Variants in PRKAG2 observed in about 807,000 individuals in gnomAD.
PRKAG2 encodes the protein 5'-AMP-activated protein kinase subunit gamma-2.
PRKAG2 carries 26 observed loss-of-function variants against 69.6 expected under a neutral mutation model. That is an observed-to-expected ratio of 0.37 (90% CI 0.27 to 0.52). The LOEUF is 0.52. Ranked by LOEUF, PRKAG2 falls within the 20% of genes least tolerant of loss-of-function variation. The pLI, the probability that PRKAG2 is intolerant of heterozygous loss-of-function variation, is 0.90. For synonymous variants in PRKAG2, 293 were observed against 285.0 expected (o/e 1.03, Z -0.28); for missense variants, 557 against 740.0 (o/e 0.75, Z 2.87).
Position 151,614,408 on chromosome 7 carries a change from A to G in PRKAG2, c.754+17661T>C, listed in dbSNP as rs2374229. 0.73 allele frequency among the ~76,000 whole-genome samples: 110,873 copies of G among 151,894 alleles called. 40,725 individuals carry two copies. Among genetic ancestry groups the G allele is most frequent in the East Asian group, 0.96 (4,944 of 5,128 alleles). On this transcript the variant is annotated intron_variant, in intron 5 of 15. Coordinates refer to ENST00000287878, the MANE Select transcript of PRKAG2 (RefSeq NM_016203.4). This position sits in a 1 kb window ranked among gnomAD's most constrained non-coding sequence, Gnocchi z 4.4. Reference sequence around the variant, plus strand: ...ACTACTTTATCCTGGAGGTGACCAGAAGCCACACAGGGGCTCACACAGGAG... The same window carrying G: ...ACTACTTTATCCTGGAGGTGACCAGGAGCCACACAGGGGCTCACACAGGAG...
chr7:151,695,979 G>T (rs968573944), intron 3 of PRKAG2, among the ~76,000 whole-genome samples: 1 of 152,126 alleles, frequency 6.6e-6, no homozygotes. Flanking sequence ...GTGTTTACAC[G>T]ACACCAGCTC....
intron 1 of PRKAG2, among the ~76,000 whole-genome samples, chr7:151,797,077 A>C (rs28496834): frequency 0.24 from 37,125 of 152,020 alleles, 4,964 homozygotes; most frequent in Admixed American, 0.35. Flanking sequence ...CCAGCTGCAG[A>C]CACACCCTCC....
intron 4 of PRKAG2, among the ~76,000 whole-genome samples, chr7:151,643,878 A>G (rs758072296): frequency 2.4e-4 from 37 of 152,278 alleles, no homozygotes; most frequent in Non-Finnish European, 4.8e-4. Context: ...CAGTACAATT[A>G]TACGATGGAA....
intron 4 of PRKAG2, among the ~76,000 whole-genome samples, chr7:151,648,359 C>T (rs1299721236): frequency 1.3e-5 from 2 of 152,206 alleles, no homozygotes; most frequent in Non-Finnish European, 2.9e-5. Context: ...TGAAAACGTT[C>T]ATCCTTGTAC....
chr7:151,665,069 C>T (rs1830844735), intron 4 of PRKAG2, among the ~76,000 whole-genome samples: 1 of 152,172 alleles, frequency 6.6e-6, no homozygotes, highest in Admixed American at 6.5e-5. Flanking sequence ...GTTAGTTTTG[C>T]TGCCCCGTGA....
intron 3 of PRKAG2, among the ~76,000 whole-genome samples, chr7:151,733,090 A>T (rs1799220596): frequency 6.6e-6 from 1 of 152,014 alleles, no homozygotes; most frequent in Non-Finnish European, 1.5e-5. Context: ...CTTGGTCAAC[A>T]CTCTTGGACT....
chr7:151,623,350 C>A (rs1821971300), intron 5 of PRKAG2, among the ~76,000 whole-genome samples: 1 of 102,236 alleles, frequency 9.8e-6, no homozygotes, highest in African/African-American at 4.0e-5. Flanking sequence ...GGCAACAGAG[C>A]AAGACTCTGT....
chr7:151,597,820 G>GGCCCCC (rs796251222), intron 5 of PRKAG2, among the ~76,000 whole-genome samples: 1 of 124,806 alleles, frequency 8.0e-6, no homozygotes, highest in African/African-American at 3.1e-5. Context: ...ACAAAAGGGA[G>GGCCCCC]CCCCCCCCCC....
chr7:151,822,034 C>T (rs972923286), intron 1 of PRKAG2, among the ~76,000 whole-genome samples: 4 of 152,216 alleles, frequency 2.6e-5, no homozygotes, highest in Non-Finnish European at 5.9e-5. Flanking sequence ...TCCAGTGCCG[C>T]GTGACTCAGG....
chr7:151,618,708 T>C (rs997492821), intron 5 of PRKAG2, among the ~76,000 whole-genome samples: 1 of 152,132 alleles, frequency 6.6e-6, no homozygotes, highest in Non-Finnish European at 1.5e-5. Context: ...GGGTTTGCAG[T>C]GAGCTGAGAT....
rs1429425828 is a variant in PRKAG2 at position 151,714,440 on chromosome 7, CGCG to C, written c.467-38806_467-38804del. Among the ~76,000 whole-genome samples, 174 of 70,566 alleles carry C rather than the reference CGCG, an allele frequency of 2.5e-3. 5 individuals carry two copies. In the East Asian group the frequency reaches 0.16, roughly 66 times the overall value. 46.3% of individuals were successfully genotyped at this position (70,566 alleles called of 152,430 possible). A position where few individuals can be genotyped will look rare whatever the true frequency, so the allele number is the denominator to read the frequency against. On this transcript the variant is annotated intron_variant, in intron 3 of 15. Coordinates refer to ENST00000287878, the MANE Select transcript of PRKAG2 (RefSeq NM_016203.4). ...CTTCCCGGAGAGCCGTCCTCCCATC[CGCG>C]ACCCGCCGTCCTCCCATCCACATGC...
chr7:151,779,071 G>A (rs2076543072), intron 3 of PRKAG2, among the ~76,000 whole-genome samples: 1 of 152,110 alleles, frequency 6.6e-6, no homozygotes, highest in African/African-American at 2.4e-5. Flanking sequence ...TTGATTATCT[G>A]TCTGTCTGCA....
In PRKAG2 at chr7:151,644,283, A is replaced by T. The variant is rs147198533; in HGVS notation, c.685-12145T>A. On this transcript the variant is annotated intron_variant, in intron 4 of 15. Coordinates refer to ENST00000287878, the MANE Select transcript of PRKAG2 (RefSeq NM_016203.4). ...GTAAATAAATGTTAAAGAGAAAATT[A>T]AAAAAATAAAATATAGAGAAAATTT... Among the ~76,000 whole-genome samples, 336 of 152,030 alleles carry T rather than the reference A, an allele frequency of 2.2e-3. 2 individuals carry two copies. Among genetic ancestry groups the T allele is most frequent in the African/African-American group, 7.6e-3 (315 of 41,558 alleles).
intron 1 of PRKAG2, among the ~76,000 whole-genome samples, chr7:151,793,973 A>G (rs1267741812): frequency 6.6e-6 from 1 of 152,244 alleles, no homozygotes; most frequent in Non-Finnish European, 1.5e-5. Flanking sequence ...CTTTCCACAG[A>G]GGACACCGTA....
intron 1 of PRKAG2, among the ~76,000 whole-genome samples, chr7:151,851,154 A>G (rs1248862177): frequency 1.3e-5 from 2 of 152,178 alleles, no homozygotes; most frequent in East Asian, 3.9e-4. Context: ...AACTCAAAGA[A>G]AAAAGAAACG....
intron 4 of PRKAG2, among the ~76,000 whole-genome samples, chr7:151,663,691 T>A (rs1359428136): frequency 6.6e-6 from 1 of 152,186 alleles, no homozygotes; most frequent in African/African-American, 2.4e-5. Context: ...AGTCTGATCC[T>A]CCTTAAGGGC....
At position 151,836,330 on chromosome 7, in the gene PRKAG2, T is replaced by G. The variant is rs1466344867; in HGVS notation, c.114+40177A>C. On this transcript the variant is annotated intron_variant, in intron 1 of 15. Coordinates refer to ENST00000287878, the MANE Select transcript of PRKAG2 (RefSeq NM_016203.4). This position sits in a 1 kb window ranked among gnomAD's most constrained non-coding sequence, Gnocchi z 4.1. ...CTGACTGCAGGCTGACACACCTGGG[T>G]CCACAGGCTGGATTCTCAAGAGGGG... is the stretch of plus-strand genomic sequence containing the variant. Among the ~76,000 whole-genome samples, 2 of 151,976 alleles carry G rather than the reference T, an allele frequency of 1.3e-5. No homozygotes were observed. Among genetic ancestry groups the G allele is most frequent in the African/African-American group, 4.8e-5 (2 of 41,354 alleles).
At chr7:151,853,726 G>C (rs548082910) in intron 1 of PRKAG2, among the ~76,000 whole-genome samples, 60 of 147,808 alleles carry the variant, frequency 4.1e-4, no homozygotes, top group South Asian at 6.5e-4. Context: ...TGCCACTGCA[G>C]TCCAGCCTGG....
At chr7:151,563,226 T>A (rs1166763684) in intron 14 of PRKAG2, among the ~76,000 whole-genome samples, 1 of 152,210 alleles carries the variant, frequency 6.6e-6, no homozygotes, top group Non-Finnish European at 1.5e-5. Context: ...TAAAAACTGT[T>A]ATTTTTTTGG....
Sources: gnomAD v4.1 joint callset for allele counts (sites outside exome capture counted in the v4.1 genomes callset) on GRCh38, gnomAD v4.1.1 for gene constraint, Gnocchi (gnomAD v3.1) non-coding constraint, MANE v1.5 for transcripts, NCBI Gene and HGNC (gene_info 2026-07-23, HGNC 2026-07-21) for gene names.